The following ZBTB25 variants were observed in gnomAD, a reference collection of about 807,000 sequenced individuals.
ZBTB25 encodes zinc finger and BTB domain containing 25.
ZBTB25 carries 20 observed loss-of-function variants against 34.2 expected under a neutral mutation model. That is an observed-to-expected ratio of 0.58 (90% CI 0.41 to 0.85). ZBTB25 has a LOEUF of 0.85. Ranked by LOEUF, ZBTB25 falls within the 40% of genes least tolerant of loss-of-function variation. The pLI, the probability that ZBTB25 is intolerant of heterozygous loss-of-function variation, is 0.00. For synonymous variants in ZBTB25, 175 were observed against 186.4 expected, an observed-to-expected ratio of 0.94 and a Z score of 0.50; for missense variants, 437 against 521.8, an observed-to-expected ratio of 0.84 and a Z score of 1.58.
At chr14:64,489,135 C>T (rs1435816452) in intron 2 of ZBTB25, among the ~76,000 whole-genome samples, 1 of 152,036 alleles carries the variant, frequency 6.6e-6, no homozygotes, top group Admixed American at 6.6e-5. Flanking sequence ...GTGGTCCTAG[C>T]TACTAGGGAG....
chr14:64,459,039 G>A (rs747902386), intron 2 of ZBTB25, among the ~76,000 whole-genome samples: 9 of 152,136 alleles, frequency 5.9e-5, no homozygotes, highest in Non-Finnish European at 1.3e-4. Flanking sequence ...CTTAACGCCC[G>A]TCTTACTGGC....
chr14:64,490,544 A>G lies in ZBTB25; in HGVS notation c.-7-4T>C. On this transcript the variant is annotated splice_polypyrimidine_tract_variant and splice_region_variant and intron_variant, in intron 1 of 2. Transcript: ENST00000608382. ...GCTGGCAGTGTCCATTGTGGTTCTGAAAAAAAGGACAAGATAAATGTAGAT... is the reference window on the plus strand; with the variant it reads ...GCTGGCAGTGTCCATTGTGGTTCTGGAAAAAAGGACAAGATAAATGTAGAT... 1 of 1,602,400 alleles carries G rather than the reference A, an allele frequency of 6.2e-7. No homozygotes were observed. Among genetic ancestry groups the G allele is most frequent in the Non-Finnish European group, 8.5e-7 (1 of 1,173,686 alleles).
intron 2 of ZBTB25, chr14:64,453,825 C>G (rs1369613607): frequency 6.2e-7 from 1 of 1,611,958 alleles, no homozygotes; most frequent in South Asian, 1.1e-5. Flanking sequence ...AATTACTTCC[C>G]GAAGCTCAAC....
Position 64,485,877 on chromosome 14 carries a change from C to T in ZBTB25, c.*1046G>A. On this transcript the variant is annotated 3_prime_UTR_variant, in exon 3 of 3. Transcript: ENST00000608382. ...AAGAAAACACTCTAGACCAAGTTAA[C>T]AACCCTGGGGTTTTTAGTCAATGCA... 2.0e-6 allele frequency: 2 copies of T among 985,402 alleles called. No individual in the cohort carries two copies. The highest frequency in any genetic ancestry group is 1.2e-6 in the Non-Finnish European group (1 of 829,902). The allele number at this position is 985,402 out of a possible 1,614,324, so 61.0% of individuals were successfully genotyped here. A position where few individuals can be genotyped will look rare whatever the true frequency, so the allele number is the denominator to read the frequency against.
At chr14:64,469,757 T>C in intron 2 of ZBTB25, 1 of 1,047,940 alleles carries the variant, frequency 9.5e-7, no homozygotes, top group South Asian at 1.7e-5. Flanking sequence ...TCTTACTCAG[T>C]AACAAATGAG....
upstream of ZBTB25, chr14:64,503,954 G>C (rs575530514): frequency 1.3e-5 from 2 of 152,294 alleles, no homozygotes; most frequent in Admixed American, 1.3e-4. Context: ...CGCCGCCACA[G>C]TTCGCAGTTG....
intron 2 of ZBTB25, chr14:64,469,134 C>T: frequency 4.3e-6 from 7 of 1,614,150 alleles, no homozygotes; most frequent in Non-Finnish European, 5.9e-6. Flanking sequence ...CCCCAGCAAG[C>T]AAGCCCACTT....
intron 1 of ZBTB25, 101 bp from the exon 2 acceptor site, chr14:64,490,641 T>A: frequency 9.5e-7 from 1 of 1,056,336 alleles, no homozygotes; most frequent in Non-Finnish European, 1.3e-6. Flanking sequence ...ACCTACAGAG[T>A]AACAAGGAGA....
At position 64,503,650 on chromosome 14, in the gene ZBTB25, G is replaced by T. The variant is rs563643686; in HGVS notation, c.-8+11C>A. The T allele has an allele frequency of 2.0e-6, 2 of 980,424 alleles. No homozygotes were observed. The highest frequency in any genetic ancestry group is 1.2e-4 in the Admixed American group (2 of 16,254). The allele number at this position is 980,424 out of a possible 1,614,324, so 60.7% of individuals were successfully genotyped here. A position where few individuals can be genotyped will look rare whatever the true frequency, so the allele number is the denominator to read the frequency against. ...CGGGGCAGCCCACAGGGGCAGGACC[G>T]CGTCGCTTACCCAGATGCCGCCGCG... On this transcript the variant is annotated intron_variant, in intron 1 of 2. Transcript: ENST00000608382.
At chr14:64,467,489 G>A (rs1381661147) in intron 2 of ZBTB25, 1 of 152,214 alleles carries the variant, frequency 6.6e-6, no homozygotes, top group African/African-American at 2.4e-5. Context: ...TAATTTAAGA[G>A]TGGGAAATGA....
At chr14:64,456,589 G>A (rs566239416) in intron 2 of ZBTB25, among the ~76,000 whole-genome samples, 1 of 152,266 alleles carries the variant, frequency 6.6e-6, no homozygotes, top group South Asian at 2.1e-4. Context: ...ACATGCACAT[G>A]CCCGTCTACA....
At chr14:64,476,351 A>G (rs372542726), downstream of ZBTB25, among the ~76,000 whole-genome samples, 11 of 152,274 alleles carry the variant, frequency 7.2e-5, no homozygotes, top group African/African-American at 2.7e-4. Flanking sequence ...TTTGAGACGA[A>G]GTCTCGTTCT....
rs1168463807 is a variant in ZBTB25, at chr14:64,483,409, C to G, written c.*3514G>C. The G allele has an allele frequency of 6.6e-6, 1 of 152,124 alleles. No homozygotes were observed. The highest frequency in any genetic ancestry group is 2.4e-5 in the African/African-American group (1 of 41,362). The allele number at this position is 152,124 out of a possible 1,614,324, so 9.4% of individuals were successfully genotyped here. ...TCCACTGCCTCAGCCTCTCGAGTAG[C>G]TGGGATTACAGGTGTGTGCCACCAC... On this transcript the variant is annotated 3_prime_UTR_variant, in exon 3 of 3. Transcript: ENST00000608382.
At chr14:64,455,009 A>C in intron 2 of ZBTB25, 1 of 875,576 alleles carries the variant, frequency 1.1e-6, no homozygotes, top group East Asian at 2.4e-5. Context: ...GCCTATTATG[A>C]TTGCTGTGGA....
chr14:64,485,246 A>AGTTGAATG lies in ZBTB25; in HGVS notation c.*1676_*1677insCATTCAAC. On this transcript the variant is annotated 3_prime_UTR_variant, in exon 3 of 3. Transcript: ENST00000608382. Reference sequence around the variant, plus strand: ...CTGATGCTGTTGAATGTGTCAGGAAACGTCCTCAGAAGTGGAGGGAGCTCA... The same window carrying AGTTGAATG: ...CTGATGCTGTTGAATGTGTCAGGAAAGTTGAATGCGTCCTCAGAAGTGGAGGGAGCTCA... 1.0e-6 allele frequency: 1 copy of AGTTGAATG among 985,460 alleles called. No individual in the cohort carries two copies. The highest frequency in any genetic ancestry group is 4.7e-5 in the South Asian group (1 of 21,290). The allele number at this position is 985,460 out of a possible 1,614,324, so 61.0% of individuals were successfully genotyped here. A position where few individuals can be genotyped will look rare whatever the true frequency, so the allele number is the denominator to read the frequency against.
downstream of ZBTB25, among the ~76,000 whole-genome samples, chr14:64,475,609 T>C (rs940819797): frequency 2.0e-5 from 3 of 152,164 alleles, no homozygotes; most frequent in Non-Finnish European, 2.9e-5. Context: ...TTTCTTTCTT[T>C]CTTCCTTCCT....
intron 1 of ZBTB25, chr14:64,502,978 T>C (rs2079546190): frequency 3.0e-6 from 3 of 985,488 alleles, no homozygotes; most frequent in Non-Finnish European, 3.6e-6. Context: ...ATTTAATCCC[T>C]TGGGGTGATG....
rs1389967766 is a variant in ZBTB25 at position 64,465,395 on chromosome 14, G to C, written c.174-15757C>G. The C allele has an allele frequency of 2.0e-5, 3 of 151,860 alleles. No homozygotes were observed. In the East Asian group the frequency reaches 5.8e-4, roughly 29 times the overall value. 9.4% of individuals were successfully genotyped at this position (151,860 alleles called of 1,614,324 possible). On this transcript the variant is annotated intron_variant, in intron 2 of 2. Transcript: ENST00000555220. ...GCGCCCGCGCCGCCCCGCGCCTCCG[G>C]CGGTCGCCCCGCCCCTGCCCGCCCG...
chr14:64,456,293 C>A (rs957361465), intron 2 of ZBTB25, among the ~76,000 whole-genome samples: 2 of 152,198 alleles, frequency 1.3e-5, no homozygotes, highest in African/African-American at 4.8e-5. Flanking sequence ...CACACATGAT[C>A]AAATGGTTTA....
Sources: gnomAD v4.1 joint callset for allele counts (sites outside exome capture counted in the v4.1 genomes callset) on GRCh38, gnomAD v4.1.1 for gene constraint, MANE v1.5 for transcripts, NCBI Gene and HGNC (gene_info 2026-07-23, HGNC 2026-07-21) for gene names.